The following SIX2 variants were observed in gnomAD, a reference collection of about 807,000 sequenced individuals.
SIX2 encodes the protein homeobox protein SIX2.
In SIX2, 20 loss-of-function variants were observed where a neutral mutation model predicts 22.8. The observed-to-expected ratio is 0.88, with a 90% confidence interval of 0.62 to 1.28. The LOEUF is 1.28. SIX2 is among the 50% of genes most tolerant of loss of function. The pLI, the probability that SIX2 is intolerant of heterozygous loss-of-function variation, is 0.00. For synonymous variants in SIX2, 195 were observed against 186.4 expected (o/e 1.05, Z -0.37); for missense variants, 360 against 400.0 (o/e 0.90, Z 0.85).
In SIX2 at chr2:45,006,284, T is replaced by A. The variant is rs781767774; in HGVS notation, c.762A>T (p.Ala254=). 2.5e-6 allele frequency: 4 copies of A among 1,614,092 alleles called. No homozygotes were observed. The highest frequency in any genetic ancestry group is 2.5e-6 in the Non-Finnish European group (3 of 1,179,950). ...CTCCGCCTGGCACCGGCACTGGCAC[T>A]GCGCTGGGGCCCGGAGGGTGGCCCA... ...HSLGHPPGPS[A]VPVPVPGGGG... The change falls in exon 2 of 2, where the codon GCA becomes GCT. Residue 254 remains alanine (A), a synonymous_variant. Coordinates refer to ENST00000303077, the MANE Select transcript of SIX2 (RefSeq NM_016932.5). The surrounding 1 kb of genome is among the most constrained non-coding windows in gnomAD (Gnocchi z 4.2).
chr2:45,006,506 CA>C lies in SIX2; in HGVS notation c.561-22del. Reference sequence around the variant, plus strand: ...TCTCCCTGCAAGTGCGGGAGCAAAGCAGCGGGGTCAGCAGGGACATCGAGAC... The same window carrying C: ...TCTCCCTGCAAGTGCGGGAGCAAAGCGCGGGGTCAGCAGGGACATCGAGAC... On this transcript the variant is annotated intron_variant, in intron 1 of 1. Coordinates refer to ENST00000303077, the MANE Select transcript of SIX2 (RefSeq NM_016932.5). This position sits in a 1 kb window ranked among gnomAD's most constrained non-coding sequence, Gnocchi z 4.2. 1 of 1,608,696 alleles carries C rather than the reference CA, an allele frequency of 6.2e-7. No individual in the cohort carries two copies. Among genetic ancestry groups the C allele is most frequent in the Non-Finnish European group, 8.5e-7 (1 of 1,178,938 alleles).
In SIX2 at chr2:45,005,959, C is replaced by T. The variant is rs1364993486; in HGVS notation, c.*211G>A. 3.0e-6 allele frequency: 2 copies of T among 657,834 alleles called. No individual in the cohort carries two copies. Among genetic ancestry groups the T allele is most frequent in the Admixed American group, 2.3e-5 (1 of 43,554 alleles). 40.7% of individuals were successfully genotyped at this position (657,834 alleles called of 1,614,324 possible). On this transcript the variant is annotated 3_prime_UTR_variant, in exon 2 of 2. Transcript: ENST00000303077. ...GTGGTTCAAGACTCAGTCTCCAGCCCCAAAAGGATCCTAAAAGTAACTTGT... is the reference window on the plus strand; with the variant it reads ...GTGGTTCAAGACTCAGTCTCCAGCCTCAAAAGGATCCTAAAAGTAACTTGT...
rs1216206080 is a variant in SIX2, at chr2:45,009,352, G to A, written c.-242C>T. On this transcript the variant is annotated 5_prime_UTR_variant, in exon 1 of 2. Transcript: ENST00000303077. ...CCCAAGCCCTCGCCCAAGCCCGGGG[G>A]CCGCCCGGGGCGCCGCTCCGCATGC... 1.6e-5 allele frequency: 3 copies of A among 182,680 alleles called. No homozygotes were observed. Among genetic ancestry groups the A allele is most frequent in the Admixed American group, 6.2e-5 (1 of 16,124 alleles). The allele number at this position is 182,680 out of a possible 1,614,324, so 11.3% of individuals were successfully genotyped here. A position where few individuals can be genotyped will look rare whatever the true frequency, so the allele number is the denominator to read the frequency against.
rs113351758 is a variant in SIX2 at position 45,006,983 on chromosome 2, C to A, written c.561-498G>T. 3.7e-4 allele frequency among the ~76,000 whole-genome samples: 56 copies of A among 152,308 alleles called. 1 individual carries two copies. Among genetic ancestry groups the A allele is most frequent in the African/African-American group, 1.1e-3 (47 of 41,576 alleles). On this transcript the variant is annotated intron_variant, in intron 1 of 1. Coordinates refer to ENST00000303077, the MANE Select transcript of SIX2 (RefSeq NM_016932.5). This position sits in a 1 kb window ranked among gnomAD's most constrained non-coding sequence, Gnocchi z 4.2. ...TAGGGCCTCTCACAAGACTTCATTT[C>A]CCTTTGCTTTTTCTGCCCGAGGGAG...
chr2:45,008,451 G>A (rs1558440579), intron 1 of SIX2, 100 bp downstream of exon 1: 3 of 1,310,210 alleles, frequency 2.3e-6, no homozygotes, highest in Non-Finnish European at 3.3e-6. Context: ...CCGGGCCTGG[G>A]GGCCCAGTTT....
At position 45,008,547 on chromosome 2, in the gene SIX2, G is replaced by A. The variant is rs778840320; in HGVS notation, c.560+4C>T. ...GGCGCCGAAGAAGGTCTACTTACTCGTACCTTTCCTTGGCCTCGGCCGCCC... is the reference window on the plus strand; with the variant it reads ...GGCGCCGAAGAAGGTCTACTTACTCATACCTTTCCTTGGCCTCGGCCGCCC... On this transcript the variant is annotated splice_donor_region_variant and intron_variant, in intron 1 of 1. Coordinates refer to ENST00000303077, the MANE Select transcript of SIX2 (RefSeq NM_016932.5). 6.2e-7 allele frequency: 1 copy of A among 1,613,142 alleles called. No homozygotes were observed. The highest frequency in any genetic ancestry group is 1.1e-5 in the South Asian group (1 of 91,084).
chr2:45,008,203 C>A lies in SIX2; in HGVS notation c.560+348G>T, dbSNP rs548015923. 1.7e-4 allele frequency among the ~76,000 whole-genome samples: 26 copies of A among 152,378 alleles called. 1 individual carries two copies. In the South Asian group the frequency reaches 4.8e-3, roughly 28 times the overall value. On this transcript the variant is annotated intron_variant, in intron 1 of 1. Coordinates refer to ENST00000303077, the MANE Select transcript of SIX2 (RefSeq NM_016932.5). ...ATCCCCTTTCATCTGGGCTCAAACC[C>A]CTCTGTCCTGAGGATGACCAGACCT...
rs1027416900 is a variant in SIX2 at position 45,008,312 on chromosome 2, G to A, written c.560+239C>T. On this transcript the variant is annotated intron_variant, in intron 1 of 1. Transcript: ENST00000303077. ...TGCTTCTCCACCCTTTTCCTCTAGC[G>A]ACCGAGTAGTTAGTTGACAACTTCC... Among the ~76,000 whole-genome samples, 5 of 152,248 alleles carry A rather than the reference G, an allele frequency of 3.3e-5. No homozygotes were observed. In the East Asian group the frequency reaches 5.8e-4, roughly 18 times the overall value.
At position 45,008,636 on chromosome 2, in the gene SIX2, C is replaced by T; in HGVS notation, c.475G>A (p.Glu159Lys). Residue 159 changes from glutamate to lysine, a missense_variant, in exon 1 of 2, where the codon GAG becomes AAG. Around this residue, in one of 3 missense-constraint regions of SIX2, gnomAD observed 235 missense variants for 231.9 expected, o/e 1.01. Transcript: ENST00000303077. ...TGTGTGGTGGTGAGGCCCGTGGCCTCCGCCAGCTCACGCTTCTCGCGGGGT... is the reference window on the plus strand; with the variant it reads ...TGTGTGGTGGTGAGGCCCGTGGCCTTCGCCAGCTCACGCTTCTCGCGGGGT... ...PSPREKRELA[E>K]ATGLTTTQVS... The T allele has an allele frequency of 1.2e-6, 2 of 1,614,072 alleles. No homozygotes were observed. Among genetic ancestry groups the T allele is most frequent in the Non-Finnish European group, 1.7e-6 (2 of 1,179,964 alleles).
At position 45,008,931 on chromosome 2, in the gene SIX2, G is replaced by T; in HGVS notation, c.180C>A (p.Arg60=). 2 of 1,613,882 alleles carry T rather than the reference G, an allele frequency of 1.2e-6. No homozygotes were observed. Among genetic ancestry groups the T allele is most frequent in the Non-Finnish European group, 1.7e-6 (2 of 1,179,958 alleles). The change falls in exon 1 of 2, where the codon CGC becomes CGA. Residue 60 remains arginine (R), a synonymous_variant. Transcript: ENST00000303077. Reference sequence around the variant, plus strand: ...TCTTGTAGAGCTCGCGGAAGTTGCCGCGGTGGAAGGCCACCACGGCCTTGG... The same window carrying T: ...TCTTGTAGAGCTCGCGGAAGTTGCCTCGGTGGAAGGCCACCACGGCCTTGG... The part of the protein sequence containing the change: ...LKAKAVVAFH[R]GNFRELYKIL...
Position 45,006,577 on chromosome 2 carries a change from C to CG in SIX2, c.561-93dup. 8.1e-7 allele frequency: 1 copy of CG among 1,237,780 alleles called. No homozygotes were observed. Among genetic ancestry groups the CG allele is most frequent in the Non-Finnish European group, 1.2e-6 (1 of 850,548 alleles). 76.7% of individuals were successfully genotyped at this position (1,237,780 alleles called of 1,614,324 possible). On this transcript the variant is annotated intron_variant, in intron 1 of 1. Coordinates refer to ENST00000303077, the MANE Select transcript of SIX2 (RefSeq NM_016932.5). This position sits in a 1 kb window ranked among gnomAD's most constrained non-coding sequence, Gnocchi z 4.2. ...CACAGTCAGAGCCAGCCACCAGCCT[C>CG]GGGAGACAGATCCCGGGCTTGTGGC...
At chr2:45,007,233 G>A (rs1572649091) in intron 1 of SIX2, among the ~76,000 whole-genome samples, 1 of 152,182 alleles carries the variant, frequency 6.6e-6, no homozygotes. Context: ...ATTGTAACCA[G>A]CCACTCCGGG....
chr2:45,008,528 G>A, intron 1 of SIX2, 23 bp downstream of exon 1: 1 of 1,610,840 alleles, frequency 6.2e-7, no homozygotes, highest in Admixed American at 1.7e-5. Context: ...AGCTGGCGCC[G>A]AAGAAGGTCT....
In SIX2 at chr2:45,005,899, A is replaced by G. The variant is rs1667744626; in HGVS notation, c.*271T>C. ...GTAAAAGGAAGAGACAGAGGGAGAG[A>G]GAGAATGACAGTGGTGTATAATTTA... is the stretch of plus-strand genomic sequence containing the variant. On this transcript the variant is annotated 3_prime_UTR_variant, in exon 2 of 2. Transcript: ENST00000303077. The G allele has an allele frequency of 1.7e-6, 1 of 571,922 alleles. No homozygotes were observed. Among genetic ancestry groups the G allele is most frequent in the Non-Finnish European group, 3.1e-6 (1 of 318,042 alleles). 35.4% of individuals were successfully genotyped at this position (571,922 alleles called of 1,614,324 possible). A position where few individuals can be genotyped will look rare whatever the true frequency, so the allele number is the denominator to read the frequency against.
Position 45,006,793 on chromosome 2 carries a change from A to G in SIX2, c.561-308T>C, listed in dbSNP as rs1667774436. On this transcript the variant is annotated intron_variant, in intron 1 of 1. Transcript: ENST00000303077. The surrounding 1 kb of genome is among the most constrained non-coding windows in gnomAD (Gnocchi z 4.2). ...CCCCCCTTCCCCAATATTTCTTTTC[A>G]GGAACAGAGGTGCAGGAGAACAGGG... Among the ~76,000 whole-genome samples, 1 of 152,010 alleles carries G rather than the reference A, an allele frequency of 6.6e-6. No individual in the cohort carries two copies. The highest frequency in any genetic ancestry group is 6.5e-5 in the Admixed American group (1 of 15,268).
Position 45,009,207 on chromosome 2 carries a change from G to C in SIX2, c.-97C>G, listed in dbSNP as rs549628521. 2.8e-6 allele frequency: 3 copies of C among 1,062,480 alleles called. No homozygotes were observed. The highest frequency in any genetic ancestry group is 3.6e-6 in the Non-Finnish European group (3 of 830,644). The allele number at this position is 1,062,480 out of a possible 1,614,324, so 65.8% of individuals were successfully genotyped here. On this transcript the variant is annotated 5_prime_UTR_variant, in exon 1 of 2. Coordinates refer to ENST00000303077, the MANE Select transcript of SIX2 (RefSeq NM_016932.5). ...CGCCGGGCCGTCCGGGCCGAGACGCGGGCGGGGCTGGCCCCCTGGCCCGGC... is the reference window on the plus strand; with the variant it reads ...CGCCGGGCCGTCCGGGCCGAGACGCCGGCGGGGCTGGCCCCCTGGCCCGGC...
chr2:45,009,277 C>T lies in SIX2; in HGVS notation c.-167G>A. The T allele has an allele frequency of 2.4e-6, 1 of 411,482 alleles. No individual in the cohort carries two copies. Among genetic ancestry groups the T allele is most frequent in the Non-Finnish European group, 3.7e-6 (1 of 272,850 alleles). The allele number at this position is 411,482 out of a possible 1,614,324, so 25.5% of individuals were successfully genotyped here. A position where few individuals can be genotyped will look rare whatever the true frequency, so the allele number is the denominator to read the frequency against. ...CGAGTCACTGCCGTACGTCCCCGCG[C>T]CGGCCGCGGGTCCCACGAAGCTCCG... On this transcript the variant is annotated 5_prime_UTR_variant, in exon 1 of 2. Transcript: ENST00000303077.
intron 1 of SIX2, 29 bp downstream of exon 1, chr2:45,008,522 G>A: frequency 6.2e-7 from 1 of 1,608,850 alleles, no homozygotes; most frequent in Non-Finnish European, 8.5e-7. Context: ...CCGGGGAGCT[G>A]GCGCCGAAGA....
chr2:45,007,776 G>C (rs1165863096), intron 1 of SIX2, among the ~76,000 whole-genome samples: 2 of 152,106 alleles, frequency 1.3e-5, no homozygotes, highest in African/African-American at 4.8e-5. Flanking sequence ...GCTGGTTCAG[G>C]AAGTCCTGGT....
Sources: gnomAD v4.1 joint callset for allele counts (sites outside exome capture counted in the v4.1 genomes callset) on GRCh38, gnomAD v4.1.1 for gene constraint, gnomAD v4.1.1 regional missense constraint, Gnocchi (gnomAD v3.1) non-coding constraint, MANE v1.5 for transcripts, NCBI Gene and HGNC (gene_info 2026-07-23, HGNC 2026-07-21) for gene names.